PHF20: variants seen among roughly 807,000 people sequenced by gnomAD.
PHF20 encodes PHD finger protein 20, also known as glioma-expressed antigen 2.
A neutral mutation model predicts 113.5 loss-of-function variants in PHF20; 23 were observed. The observed-to-expected ratio is 0.20, with a 90% CI of 0.15 to 0.29. The LOEUF (loss-of-function observed/expected upper bound fraction) is 0.29, where lower values mean the gene tolerates loss of function less well. PHF20 is among the 10% of genes least tolerant of loss of function. The pLI is 1.00. For missense variants in PHF20, 943 were observed against 1,219.6 expected (o/e 0.77, Z 3.38); for synonymous variants, 434 against 457.3 (o/e 0.95, Z 0.65).
intron 10 of PHF20, among the ~76,000 whole-genome samples, chr20:35,910,254 G>A (rs559318577): frequency 6.6e-6 from 1 of 152,250 alleles, no homozygotes; most frequent in Non-Finnish European, 1.5e-5. Flanking sequence ...GGGGCTGAGG[G>A]GAAGGGCTTA....
At chr20:35,815,195 C>A (rs2042050144) in intron 2 of PHF20, among the ~76,000 whole-genome samples, 1 of 151,478 alleles carries the variant, frequency 6.6e-6, no homozygotes, top group Non-Finnish European at 1.5e-5. Flanking sequence ...AGACTCTGTC[C>A]CCCGAAAAAT....
chr20:35,795,409 A>AT (rs1569122656), intron 1 of PHF20, among the ~76,000 whole-genome samples: 1 of 151,474 alleles, frequency 6.6e-6, no homozygotes, highest in Non-Finnish European at 1.5e-5. Flanking sequence ...TAATTTCTGT[A>AT]TTTTTTTAGT....
chr20:35,792,601 A>G (rs2041579937), intron 1 of PHF20, among the ~76,000 whole-genome samples: 1 of 151,828 alleles, frequency 6.6e-6, no homozygotes, highest in Non-Finnish European at 1.5e-5. Flanking sequence ...AAAGGGACTA[A>G]TTCCCTTTCT....
intron 2 of PHF20, among the ~76,000 whole-genome samples, chr20:35,817,312 A>G (rs1332726195): frequency 2.0e-5 from 3 of 151,756 alleles, no homozygotes; most frequent in African/African-American, 7.3e-5. Context: ...TCAGCCTCCC[A>G]AATAGGAGGG....
chr20:35,909,667 T>C (rs2055262209), intron 10 of PHF20, among the ~76,000 whole-genome samples: 1 of 152,212 alleles, frequency 6.6e-6, no homozygotes, highest in Admixed American at 6.5e-5. Flanking sequence ...TTTGTTGACT[T>C]TCTTTCTAGT....
At chr20:35,807,587 AGGTGATCT>A (rs2041907415) in intron 2 of PHF20, among the ~76,000 whole-genome samples, 1 of 151,926 alleles carries the variant, frequency 6.6e-6, no homozygotes, top group Admixed American at 6.6e-5. Context: ...TCCTGACCTC[AGGTGATCT>A]GCTCACCTCG....
At chr20:35,793,033 G>T (rs2041588853) in intron 1 of PHF20, among the ~76,000 whole-genome samples, 1 of 152,102 alleles carries the variant, frequency 6.6e-6, no homozygotes, top group Admixed American at 6.6e-5. Context: ...GCAGAACTTT[G>T]GCAAAAGGTC....
At chr20:35,786,126 C>T (rs989278255) in intron 1 of PHF20, among the ~76,000 whole-genome samples, 4 of 151,790 alleles carry the variant, frequency 2.6e-5, no homozygotes, top group African/African-American at 4.8e-5. Context: ...TGGTGGCTCA[C>T]GCCTGTAATC....
intron 9 of PHF20, among the ~76,000 whole-genome samples, chr20:35,882,670 C>T (rs927277540): frequency 1.3e-5 from 2 of 152,194 alleles, no homozygotes; most frequent in Non-Finnish European, 2.9e-5. Flanking sequence ...TCCGCCTTGG[C>T]CTCCCAAAGT....
chr20:35,902,307 G>A lies in PHF20; in HGVS notation c.1561+2659G>A, dbSNP rs552382464. On this transcript the variant is annotated intron_variant, in intron 10 of 17. Transcript: ENST00000374012. ...GTAGAAATAGCAGGTGCTGGATATC[G>A]TAATGGATTGACATCTGGGCAGGAT... Among the ~76,000 whole-genome samples, 6 of 152,298 alleles carry A rather than the reference G, an allele frequency of 3.9e-5. No homozygotes were observed. In the South Asian group the frequency reaches 8.3e-4, roughly 21 times the overall value.
intron 9 of PHF20, among the ~76,000 whole-genome samples, chr20:35,888,001 A>G (rs2054770304): frequency 1.4e-5 from 2 of 145,866 alleles, no homozygotes; most frequent in South Asian, 2.2e-4. Flanking sequence ...TTTTTCTGAG[A>G]CAGAGTTTCG....
intron 4 of PHF20, among the ~76,000 whole-genome samples, chr20:35,856,062 A>C: frequency 6.6e-6 from 1 of 151,780 alleles, no homozygotes; most frequent in Non-Finnish European, 1.5e-5. Context: ...ATTCTTTCTA[A>C]CTTTTTTGTA....
intron 1 of PHF20, among the ~76,000 whole-genome samples, chr20:35,779,863 C>T (rs915047318): frequency 1.3e-5 from 2 of 152,024 alleles, no homozygotes; most frequent in African/African-American, 4.8e-5. Flanking sequence ...GTTGGGATTT[C>T]GAGGTTGTGG....
intron 1 of PHF20, among the ~76,000 whole-genome samples, chr20:35,772,834 C>T (rs894267125): frequency 3.0e-4 from 45 of 152,252 alleles, no homozygotes; most frequent in African/African-American, 1.1e-3. Flanking sequence ...TCTTGTATCC[C>T]CTCTACTCCA....
chr20:35,948,505 T>C lies in PHF20; in HGVS notation c.*878T>C, dbSNP rs1316257427. Reference sequence around the variant, plus strand: ...GAATGTGGTTTGGGGAATTACCTTATTTTATATTGTTGTAAACAAACTTCA... The same window carrying C: ...GAATGTGGTTTGGGGAATTACCTTACTTTATATTGTTGTAAACAAACTTCA... On this transcript the variant is annotated 3_prime_UTR_variant, in exon 18 of 18. Transcript: ENST00000374012. The C allele has an allele frequency of 6.5e-6, 1 of 152,692 alleles. No homozygotes were observed. The highest frequency in any genetic ancestry group is 1.5e-5 in the Non-Finnish European group (1 of 68,044). 9.5% of individuals were successfully genotyped at this position (152,692 alleles called of 1,614,324 possible).
chr20:35,942,785 T>G (rs2056007979), intron 17 of PHF20, among the ~76,000 whole-genome samples: 1 of 152,222 alleles, frequency 6.6e-6, no homozygotes, highest in African/African-American at 2.4e-5. Flanking sequence ...TTTTATGGAA[T>G]CAACTCTTTA....
Position 35,871,003 on chromosome 20 carries a change from C to G in PHF20, c.971C>G (p.Ser324Trp). ...NYSENTDKDL[S>W]RRRSSRLSTN... The stretch of plus-strand genomic sequence containing the variant: ...TCGGAAAACACTGACAAAGACTTAT[C>G]GAGGAGACGTTCCTCCAGGCTGTCC... Residue 324 changes from serine (S) to tryptophan (W), a missense_variant, in exon 8 of 18, where the codon TCG (serine) becomes TGG (tryptophan). Physicochemically the swap from Ser to Trp is radical, Grantham distance 177. Around this residue, in one of 3 missense-constraint regions of PHF20, gnomAD observed 592 missense variants for 787.2 expected, o/e 0.75. Transcript: ENST00000374012. The G allele has an allele frequency of 6.2e-7, 1 of 1,610,128 alleles. No individual in the cohort carries two copies. The highest frequency in any genetic ancestry group is 8.5e-7 in the Non-Finnish European group (1 of 1,179,084).
chr20:35,894,886 A>G (rs912329739), intron 9 of PHF20, among the ~76,000 whole-genome samples: 4 of 151,950 alleles, frequency 2.6e-5, no homozygotes, highest in Non-Finnish European at 5.9e-5. Context: ...ACGGAGTCTC[A>G]CTCTTGTCAC....
At chr20:35,890,312 G>A (rs1303311059) in intron 9 of PHF20, among the ~76,000 whole-genome samples, 5 of 152,150 alleles carry the variant, frequency 3.3e-5, no homozygotes, top group Admixed American at 6.5e-5. Context: ...TTACAGGCAC[G>A]AGCCACTACA....
Sources: gnomAD v4.1 joint callset for allele counts (sites outside exome capture counted in the v4.1 genomes callset) on GRCh38, gnomAD v4.1.1 for gene constraint, gnomAD v4.1.1 regional missense constraint, MANE v1.5 for transcripts, NCBI Gene and HGNC (gene_info 2026-07-23, HGNC 2026-07-21) for gene names.